The following ITPRID1 variants were observed in gnomAD, a reference collection of about 807,000 sequenced individuals.
ITPRID1 encodes protein ITPRID1.
ITPRID1 carries 96 observed loss-of-function variants against 95.4 expected under a neutral mutation model. The ratio of observed to expected loss-of-function variants is 1.01; its 90% CI spans 0.85 to 1.19. ITPRID1 has a LOEUF of 1.19. ITPRID1 is among the 50% of genes most tolerant of loss of function. The probability of loss-of-function intolerance (pLI) is 0.00; values close to 1 mark genes in which losing one functional copy is unlikely to be tolerated. For missense variants in ITPRID1, 1,339 were observed against 1,252.9 expected (o/e 1.07, Z -1.04); for synonymous variants, 510 against 453.6 (o/e 1.12, Z -1.58).
chr7:31,634,299 A>G (rs761131332), intron 10 of ITPRID1, among the ~76,000 whole-genome samples: 15 of 152,180 alleles, frequency 9.9e-5, no homozygotes, highest in Non-Finnish European at 1.8e-4. Context: ...AACCATGATT[A>G]TTATTAATGA....
At chr7:31,563,356 T>C (rs1247714812) in intron 5 of ITPRID1, among the ~76,000 whole-genome samples, 1 of 152,128 alleles carries the variant, frequency 6.6e-6, no homozygotes, top group African/African-American at 2.4e-5. Flanking sequence ...TTAGATAGGA[T>C]GAGGTCATAT....
intron 12 of ITPRID1, among the ~76,000 whole-genome samples, chr7:31,648,624 G>T (rs909799823): frequency 2.0e-5 from 3 of 152,094 alleles, no homozygotes; most frequent in Non-Finnish European, 4.4e-5. Flanking sequence ...AACTACATGA[G>T]CATAAAATTC....
At chr7:31,621,630 T>C (rs38348) in intron 10 of ITPRID1, among the ~76,000 whole-genome samples, 143,615 of 147,008 alleles carry the variant, frequency 0.98, 70,191 homozygotes, top group East Asian at 0.99. Flanking sequence ...AAGGAACAAC[T>C]GGTACCAGAC....
chr7:31,549,162 G>A (rs1784200263), intron 1 of ITPRID1, among the ~76,000 whole-genome samples: 1 of 152,122 alleles, frequency 6.6e-6, no homozygotes, highest in South Asian at 2.1e-4. Flanking sequence ...TGGAGCTACA[G>A]GCTCTAATTA....
intron 10 of ITPRID1, among the ~76,000 whole-genome samples, chr7:31,640,271 T>TA (rs1205417412): frequency 5.9e-5 from 9 of 152,294 alleles, no homozygotes; most frequent in African/African-American, 2.2e-4. Flanking sequence ...TCTGGATGAG[T>TA]ACTGGGCAGT....
intron 1 of ITPRID1, among the ~76,000 whole-genome samples, chr7:31,546,387 CAG>C (rs893271994): frequency 2.0e-5 from 3 of 151,530 alleles, no homozygotes; most frequent in South Asian, 2.1e-4. Context: ...TGCTTCAAAA[CAG>C]AGAAATATTG....
At position 31,651,294 on chromosome 7, in the gene ITPRID1, A is replaced by G. The variant is rs1203564653; in HGVS notation, c.2711+25A>G. ...GGTAATTACCTAAGGGAGCCATAAA[A>G]GTAAGTACCAGCCCACACACCTGGA... On this transcript the variant is annotated intron_variant, in intron 13 of 14. Transcript: ENST00000615280. The G allele has an allele frequency of 3.7e-6, 6 of 1,608,898 alleles. No homozygotes were observed. The African/African-American group carries it at 8.0e-5, about 22-fold the overall frequency.
chr7:31,554,883 C>A lies in ITPRID1; in HGVS notation c.238C>A (p.Gln80Lys). The A allele has an allele frequency of 6.3e-7, 1 of 1,582,960 alleles. No individual in the cohort carries two copies. The highest frequency in any genetic ancestry group is 8.6e-7 in the Non-Finnish European group (1 of 1,162,358). The change falls in exon 5 of 15, where the codon CAA becomes AAA. Residue 80 changes from glutamine (Q) to lysine (K), a missense_variant. Gln to Lys is a moderately conservative substitution (Grantham distance 53). Coordinates refer to ENST00000615280, the MANE Select transcript of ITPRID1 (RefSeq NM_001257967.3). Reference sequence around the variant, plus strand: ...TGTCTCTGCAAATGAAAACTTTCAACAAGTCATTGACCGCACTGGTAAGAC... The same window carrying A: ...TGTCTCTGCAAATGAAAACTTTCAAAAAGTCATTGACCGCACTGGTAAGAC... ...FFVSANENFQQVIDRTVSLYE... is the reference protein window; with the variant it reads ...FFVSANENFQKVIDRTVSLYE...
At chr7:31,656,507 ACTGTCTTCC>A, downstream of ITPRID1, 3 of 969,056 alleles carry the variant, frequency 3.1e-6, no homozygotes, top group Non-Finnish European at 3.6e-6. Context: ...AACTGTAATT[ACTGTCTTCC>A]TTCTGTTGAA....
chr7:31,622,793 C>T (rs971134379), intron 10 of ITPRID1, among the ~76,000 whole-genome samples: 4 of 151,938 alleles, frequency 2.6e-5, no homozygotes, highest in African/African-American at 7.3e-5. Context: ...CACAAAAAAC[C>T]CTTCAAAAAA....
intron 2 of ITPRID1, among the ~76,000 whole-genome samples, chr7:31,550,540 G>C (rs1784251772): frequency 6.6e-6 from 1 of 152,130 alleles, no homozygotes; most frequent in Non-Finnish European, 1.5e-5. Context: ...CTTTCCGAAG[G>C]GCTGCTCTGG....
intron 1 of ITPRID1, among the ~76,000 whole-genome samples, chr7:31,524,401 G>A (rs757378723): frequency 2.8e-4 from 42 of 152,158 alleles, no homozygotes; most frequent in Non-Finnish European, 5.1e-4. Flanking sequence ...TGTCCTGAAA[G>A]CATTTTATAT....
intron 10 of ITPRID1, among the ~76,000 whole-genome samples, chr7:31,602,471 C>T (rs1786435472): frequency 6.6e-6 from 1 of 152,194 alleles, no homozygotes; most frequent in Non-Finnish European, 1.5e-5. Context: ...TAGGCTCTGG[C>T]AGCTAACTCC....
In ITPRID1 at chr7:31,598,609, T is replaced by C. The variant is rs113992032; in HGVS notation, c.1228+15418T>C. Reference sequence around the variant, plus strand: ...TAGTAGGGACGGGGTTTCACCGTGTTAGCCAGGATGGTCTCTATCTCCTGA... The same window carrying C: ...TAGTAGGGACGGGGTTTCACCGTGTCAGCCAGGATGGTCTCTATCTCCTGA... On this transcript the variant is annotated intron_variant, in intron 10 of 14. Transcript: ENST00000615280. 5.2e-3 allele frequency among the ~76,000 whole-genome samples: 787 copies of C among 152,008 alleles called. 5 individuals are homozygous for C. Among genetic ancestry groups the C allele is most frequent in the African/African-American group, 0.018 (743 of 41,480 alleles).
chr7:31,522,040 A>G (rs1783280565), intron 1 of ITPRID1, among the ~76,000 whole-genome samples: 1 of 152,030 alleles, frequency 6.6e-6, no homozygotes, highest in Non-Finnish European at 1.5e-5. Flanking sequence ...AGTTTCAACA[A>G]AAGATTTTTA....
intron 10 of ITPRID1, among the ~76,000 whole-genome samples, chr7:31,585,613 G>A (rs964417783): frequency 6.6e-6 from 1 of 152,100 alleles, no homozygotes; most frequent in Non-Finnish European, 1.5e-5. Flanking sequence ...CCATCTAGGG[G>A]TTAAAAAGAT....
chr7:31,642,873 G>C lies in ITPRID1; in HGVS notation c.1503G>C (p.Val501=). 8 of 1,614,034 alleles carry C rather than the reference G, an allele frequency of 5.0e-6. No homozygotes were observed. The highest frequency in any genetic ancestry group is 6.8e-6 in the Non-Finnish European group (8 of 1,179,904). ...NALEQRASVS[V]MEEEFLLEAM... is the part of the protein sequence containing the mutation. ...TGGAACAAAGGGCCTCAGTATCTGT[G>C]ATGGAGGAAGAGTTTCTGCTTGAGG... is the stretch of plus-strand genomic sequence containing the variant. The change falls in exon 12 of 15, where the codon GTG becomes GTC. Residue 501 remains valine (V), a synonymous_variant. Coordinates refer to ENST00000615280, the MANE Select transcript of ITPRID1 (RefSeq NM_001257967.3).
Position 31,591,402 on chromosome 7 carries a change from T to C in ITPRID1, c.1228+8211T>C, listed in dbSNP as rs1785859867. Among the ~76,000 whole-genome samples the C allele has an allele frequency of 2.0e-5, 3 of 152,196 alleles. No homozygotes were observed. The South Asian group carries it at 6.2e-4, about 31-fold the overall frequency. ...GCAGCCATAACAACGTAAACACTCC[T>C]GATTGGCTTTCTGCTTTGAGAATCA... is the stretch of plus-strand genomic sequence containing the variant. On this transcript the variant is annotated intron_variant, in intron 10 of 14. Transcript: ENST00000615280.
intron 10 of ITPRID1, among the ~76,000 whole-genome samples, chr7:31,603,307 G>A (rs1024778621): frequency 6.6e-6 from 1 of 151,976 alleles, no homozygotes; most frequent in Non-Finnish European, 1.5e-5. Context: ...TGGCAGCTGG[G>A]AGCATTCTAG....
Sources: allele counts gnomAD v4.1 joint callset (sites outside exome capture counted in the v4.1 genomes callset), GRCh38; gene constraint gnomAD v4.1.1; transcripts MANE v1.5; gene names NCBI Gene and HGNC (gene_info 2026-07-23, HGNC 2026-07-21).